Variants in GOLGA8B observed in about 807,000 individuals in gnomAD.
The protein encoded by GOLGA8B is golgin A8 family member B, also known as golgin subfamily A member 8B.
A neutral mutation model predicts 15.6 loss-of-function variants in GOLGA8B; 1 was observed. The ratio of observed to expected loss-of-function variants is 0.06; its 90% CI spans 0.02 to 0.30. GOLGA8B has a LOEUF of 0.30. Ranked by LOEUF, GOLGA8B falls within the 10% of genes least tolerant of loss-of-function variation. GOLGA8B has a pLI of 1.00. For missense variants in GOLGA8B, 17 were observed against 201.3 expected, an observed-to-expected ratio of 0.08 and a Z score of 5.54; for synonymous variants, 9 against 80.3, an observed-to-expected ratio of 0.11 and a Z score of 4.75.
At chr15:34,580,786 GCCA>G (rs1889207133) in intron 1 of GOLGA8B, among the ~76,000 whole-genome samples, 1 of 152,152 alleles carries the variant, frequency 6.6e-6, no homozygotes, top group Non-Finnish European at 1.5e-5. Context: ...CCCAGCCCCT[GCCA>G]GGCACACAGG....
chr15:34,563,837 C>G (rs1888686531), intron 1 of GOLGA8B, among the ~76,000 whole-genome samples: 1 of 143,764 alleles, frequency 7.0e-6, no homozygotes, highest in African/African-American at 2.5e-5. Context: ...CCTTGTATTC[C>G]TATAATAAAC....
rs1894429987 is a variant in GOLGA8B at position 34,525,886 on chromosome 15, C to CGTATTGCTGCTCTCCTGT, written c.*1745_*1746insACAGGAGAGCAGCAATAC. ...GCCAAGTGCTAAAAATGGAGATGGT[C>CGTATTGCTGCTCTCCTGT]TAGTAACTAGAAAACTCCCCACCCC... is the stretch of plus-strand genomic sequence containing the variant. On this transcript the variant is annotated 3_prime_UTR_variant, in exon 24 of 24. Coordinates refer to ENST00000683415, the MANE Select transcript of GOLGA8B (RefSeq NM_001023567.5). The CGTATTGCTGCTCTCCTGT allele has an allele frequency of 6.7e-6, 1 of 149,134 alleles. No homozygotes were observed. The highest frequency in any genetic ancestry group is 2.5e-5 in the African/African-American group (1 of 40,250). The allele number at this position is 149,134 out of a possible 1,614,324, so 9.2% of individuals were successfully genotyped here.
At chr15:34,564,993 G>A (rs1369183173) in intron 1 of GOLGA8B, among the ~76,000 whole-genome samples, 3 of 143,992 alleles carry the variant, frequency 2.1e-5, no homozygotes, top group South Asian at 4.3e-4. Context: ...GCAGCAGGAC[G>A]GCCTGTGCCC....
intron 1 of GOLGA8B, among the ~76,000 whole-genome samples, chr15:34,575,935 A>G (rs79962237): frequency 1.3e-5 from 2 of 152,226 alleles, no homozygotes; most frequent in Non-Finnish European, 1.5e-5. Context: ...ATGGGTGGAT[A>G]GATGGACAGT....
chr15:34,581,264 A>G (rs1889224715), intron 1 of GOLGA8B, among the ~76,000 whole-genome samples: 1 of 152,212 alleles, frequency 6.6e-6, no homozygotes, highest in South Asian at 2.1e-4. Flanking sequence ...GGGCCTCTTC[A>G]GCCAGGTTCA....
chr15:34,560,125 T>A (rs1369657449), intron 1 of GOLGA8B, among the ~76,000 whole-genome samples: 1 of 150,372 alleles, frequency 6.7e-6, no homozygotes, highest in Non-Finnish European at 1.5e-5. Flanking sequence ...GGAACACAGA[T>A]CCTACAGGCT....
intron 1 of GOLGA8B, among the ~76,000 whole-genome samples, chr15:34,566,765 G>A (rs1418775269): frequency 2.2e-5 from 3 of 136,072 alleles, no homozygotes; most frequent in African/African-American, 8.1e-5. Context: ...GGATGGAGGT[G>A]TCACTGCAAA....
chr15:34,549,151 T>A (rs1484696923), intron 4 of GOLGA8B, among the ~76,000 whole-genome samples: 5 of 54,144 alleles, frequency 9.2e-5, no homozygotes, highest in Non-Finnish European at 1.2e-4. Context: ...ATCAAGAAAA[T>A]GACAAAAAAA....
chr15:34,567,225 C>G (rs1210263851), intron 1 of GOLGA8B, among the ~76,000 whole-genome samples: 1 of 145,106 alleles, frequency 6.9e-6, no homozygotes, highest in Non-Finnish European at 1.5e-5. Flanking sequence ...CCTTCCACAT[C>G]CTGGTCAACA....
chr15:34,570,064 C>A (rs538703619), intron 1 of GOLGA8B, among the ~76,000 whole-genome samples: 20 of 152,330 alleles, frequency 1.3e-4, no homozygotes, highest in African/African-American at 4.8e-4. Context: ...AGAACCAGAG[C>A]TGTACCCTAC....
At chr15:34,570,529 C>G (rs1460225254) in intron 1 of GOLGA8B, among the ~76,000 whole-genome samples, 1 of 110,762 alleles carries the variant, frequency 9.0e-6, no homozygotes, top group African/African-American at 3.1e-5. Context: ...AGCAGAAAGG[C>G]CCTCCTGAGG....
intron 1 of GOLGA8B, among the ~76,000 whole-genome samples, chr15:34,577,119 C>CA (rs1889104735): frequency 6.6e-6 from 1 of 152,088 alleles, no homozygotes; most frequent in East Asian, 1.9e-4. Context: ...TGCCTGGCCC[C>CA]ACTGCACCAC....
chr15:34,557,639 C>T (rs867810709), intron 1 of GOLGA8B, among the ~76,000 whole-genome samples: 1 of 47,704 alleles, frequency 2.1e-5, no homozygotes, highest in African/African-American at 1.0e-4. Context: ...GAGAAGAATT[C>T]ATGAATGTGT....
chr15:34,542,645 T>C (rs1888226915), intron 7 of GOLGA8B, among the ~76,000 whole-genome samples: 1 of 152,266 alleles, frequency 6.6e-6, no homozygotes, highest in South Asian at 2.1e-4. Flanking sequence ...TAATTAACAG[T>C]CAGTTGGCAT....
chr15:34,557,001 T>C (rs899285933), intron 1 of GOLGA8B, among the ~76,000 whole-genome samples: 1 of 145,364 alleles, frequency 6.9e-6, no homozygotes, highest in Admixed American at 7.1e-5. Context: ...CCGGCCACTC[T>C]TAAGCTCACC....
chr15:34,564,330 G>T (rs2140345667), intron 1 of GOLGA8B, among the ~76,000 whole-genome samples: 3 of 113,210 alleles, frequency 2.6e-5, no homozygotes, highest in African/African-American at 6.6e-5. Context: ...CACTTTTTCA[G>T]TTAGTTGTAG....
At chr15:34,559,198 C>T (rs1176438805) in intron 1 of GOLGA8B, among the ~76,000 whole-genome samples, 1 of 146,962 alleles carries the variant, frequency 6.8e-6, no homozygotes, top group Non-Finnish European at 1.5e-5. Flanking sequence ...TTCTCTGAGG[C>T]ACCCACAGTA....
chr15:34,580,796 C>A (rs1889207412), intron 1 of GOLGA8B, among the ~76,000 whole-genome samples: 1 of 152,208 alleles, frequency 6.6e-6, no homozygotes, highest in African/African-American at 2.4e-5. Flanking sequence ...GCCAGGCACA[C>A]AGGCTGCCTC....
intron 1 of GOLGA8B, among the ~76,000 whole-genome samples, chr15:34,579,700 A>G (rs1749697981): frequency 6.6e-6 from 1 of 152,184 alleles, no homozygotes; most frequent in African/African-American, 2.4e-5. Context: ...AGGTGAACAC[A>G]GCTGGGTTCC....
Sources: allele counts gnomAD v4.1 joint callset (sites outside exome capture counted in the v4.1 genomes callset), GRCh38; gene constraint gnomAD v4.1.1; transcripts MANE v1.5; gene names NCBI Gene and HGNC (gene_info 2026-07-23, HGNC 2026-07-21).